Variants in PLA2G4A observed in about 807,000 individuals in gnomAD.
The protein encoded by PLA2G4A is cytosolic phospholipase A2.
Under a neutral mutation model 81.9 loss-of-function variants are expected in PLA2G4A, and 40 were observed. The ratio of observed to expected loss-of-function variants is 0.49; its 90% confidence interval spans 0.38 to 0.64. PLA2G4A has a LOEUF of 0.64. Ranked by LOEUF, PLA2G4A falls within the 30% of genes least tolerant of loss-of-function variation. The pLI is 0.00. For synonymous variants in PLA2G4A, 302 were observed against 296.9 expected (o/e 1.02, Z -0.18); for missense variants, 715 against 905.1 (o/e 0.79, Z 2.69).
At chr1:186,982,533 T>G in intron 17 of PLA2G4A, among the ~76,000 whole-genome samples, 1 of 152,196 alleles carries the variant, frequency 6.6e-6, no homozygotes, top group East Asian at 1.9e-4. Flanking sequence ...TGCAAATGCC[T>G]CAGGTTAACA....
At chr1:186,962,763 A>C (rs891866529) in intron 14 of PLA2G4A, among the ~76,000 whole-genome samples, 4 of 151,762 alleles carry the variant, frequency 2.6e-5, no homozygotes, top group African/African-American at 7.3e-5. Flanking sequence ...CTCGTGATCC[A>C]CCCGCCTCGG....
intron 7 of PLA2G4A, among the ~76,000 whole-genome samples, chr1:186,930,109 C>T (rs1350415844): frequency 6.6e-6 from 1 of 152,130 alleles, no homozygotes; most frequent in East Asian, 1.9e-4. Flanking sequence ...ACAAAACAAA[C>T]AAACAAACAA....
chr1:186,935,597 G>A (rs1655918298), intron 8 of PLA2G4A, among the ~76,000 whole-genome samples: 1 of 151,840 alleles, frequency 6.6e-6, no homozygotes, highest in African/African-American at 2.4e-5. Context: ...GAAAGCACAG[G>A]TGAAGGTGTT....
At chr1:186,868,999 A>G (rs1653141698) in intron 2 of PLA2G4A, among the ~76,000 whole-genome samples, 1 of 147,066 alleles carries the variant, frequency 6.8e-6, no homozygotes, top group Non-Finnish European at 1.5e-5. Flanking sequence ...GTTTGGTTGC[A>G]TTGATTTTTT....
chr1:186,873,864 C>T (rs1294934612), intron 3 of PLA2G4A, among the ~76,000 whole-genome samples: 2 of 151,994 alleles, frequency 1.3e-5, no homozygotes, highest in Non-Finnish European at 2.9e-5. Context: ...AGTTCCTTCC[C>T]AGACATGGTT....
At chr1:186,916,257 G>A (rs1558434292) in intron 7 of PLA2G4A, among the ~76,000 whole-genome samples, 1 of 152,070 alleles carries the variant, frequency 6.6e-6, no homozygotes, top group Non-Finnish European at 1.5e-5. Context: ...CTTTTTTCCA[G>A]TGAGGATTAA....
chr1:186,922,445 T>A (rs555046322), intron 7 of PLA2G4A, among the ~76,000 whole-genome samples: 2 of 152,310 alleles, frequency 1.3e-5, no homozygotes, highest in South Asian at 4.1e-4. Context: ...TGCCAGTTCC[T>A]TCCTGGTGTT....
intron 12 of PLA2G4A, among the ~76,000 whole-genome samples, chr1:186,947,488 A>G (rs749105056): frequency 2.4e-4 from 37 of 152,202 alleles, no homozygotes; most frequent in Non-Finnish European, 4.6e-4. Context: ...CTATTGGCCT[A>G]TAATAAATTA....
intron 10 of PLA2G4A, among the ~76,000 whole-genome samples, chr1:186,946,165 G>A (rs1347354725): frequency 6.6e-6 from 1 of 152,116 alleles, no homozygotes; most frequent in Non-Finnish European, 1.5e-5. Flanking sequence ...ATCTTGTGGA[G>A]TTAGAATAGA....
intron 15 of PLA2G4A, among the ~76,000 whole-genome samples, chr1:186,968,486 A>G (rs1657217382): frequency 6.7e-6 from 1 of 149,748 alleles, no homozygotes; most frequent in South Asian, 2.1e-4. Context: ...TTCTACTTAC[A>G]ACTGTATTAT....
chr1:186,866,768 G>A (rs567259059), intron 2 of PLA2G4A, among the ~76,000 whole-genome samples: 2 of 152,194 alleles, frequency 1.3e-5, no homozygotes, highest in South Asian at 4.1e-4. Context: ...ATGATTTTGG[G>A]AGGGGAGCAT....
rs558282848 is a variant in PLA2G4A at position 186,851,515 on chromosome 1, C to T, written c.-69-2771C>T. 1.3e-4 allele frequency among the ~76,000 whole-genome samples: 20 copies of T among 152,096 alleles called. No homozygotes were observed. The South Asian group carries it at 2.7e-3, about 21-fold the overall frequency. On this transcript the variant is annotated intron_variant, in intron 1 of 17. Transcript: ENST00000367466. The stretch of plus-strand genomic sequence containing the variant: ...TATTAGCTGGATTCTGACTTGGGAA[C>T]GGATGTAGTTCTCATACTTTGAATT...
At position 186,961,442 on chromosome 1, in the gene PLA2G4A, T is replaced by A. The variant is rs1421456643; in HGVS notation, c.1580-3967T>A. Among the ~76,000 whole-genome samples the A allele has an allele frequency of 2.0e-5, 3 of 152,166 alleles. No individual in the cohort carries two copies. In the East Asian group the frequency reaches 5.8e-4, roughly 29 times the overall value. On this transcript the variant is annotated intron_variant, in intron 14 of 17. Transcript: ENST00000367466. ...GTATGCATGTAATGAAACATCACAT[T>A]TTACCCCATAAATATACGCAATTAT...
At chr1:186,960,403 CAG>C (rs1656902803) in intron 14 of PLA2G4A, among the ~76,000 whole-genome samples, 1 of 152,172 alleles carries the variant, frequency 6.6e-6, no homozygotes, top group Admixed American at 6.5e-5. Flanking sequence ...AATTCTAAAA[CAG>C]AGTTATGTTT....
chr1:186,865,443 G>A (rs895732434), intron 2 of PLA2G4A, among the ~76,000 whole-genome samples: 5 of 152,052 alleles, frequency 3.3e-5, no homozygotes, highest in East Asian at 1.9e-4. Flanking sequence ...ACCTGAAAGC[G>A]AAACTGAAAA....
chr1:186,977,460 G>T (rs969057931), intron 15 of PLA2G4A, 133 bp from the exon 16 acceptor site: 5 of 667,518 alleles, frequency 7.5e-6, no homozygotes, highest in Non-Finnish European at 1.1e-5. Context: ...TGAGAACAGG[G>T]TCGTGATTCA....
intron 1 of PLA2G4A, among the ~76,000 whole-genome samples, chr1:186,842,278 G>C (rs1461893923): frequency 2.0e-5 from 3 of 151,952 alleles, no homozygotes; most frequent in Non-Finnish European, 4.4e-5. Context: ...CCTGAGCTCA[G>C]ACAATTCACC....
intron 3 of PLA2G4A, chr1:186,870,736 G>A (rs774445197): frequency 4.5e-6 from 7 of 1,550,388 alleles, no homozygotes; most frequent in Non-Finnish European, 4.4e-6. Context: ...GGGGCCTTTG[G>A]TGACATGCGT....
chr1:186,965,604 A>G lies in PLA2G4A; in HGVS notation c.1764+11A>G, dbSNP rs755021387. 9.3e-5 allele frequency: 147 copies of G among 1,577,328 alleles called. No homozygotes were observed. The highest frequency in any genetic ancestry group is 1.3e-4 in the Non-Finnish European group (145 of 1,146,600). ...AGTCCTCCGTTCAAGGTAAGGATAC[A>G]TAATACAGCATTCCATTCTCTACCA... On this transcript the variant is annotated intron_variant, in intron 15 of 17. Transcript: ENST00000367466.
Sources: gnomAD v4.1 joint callset for allele counts (sites outside exome capture counted in the v4.1 genomes callset) on GRCh38, gnomAD v4.1.1 for gene constraint, MANE v1.5 for transcripts, NCBI Gene and HGNC (gene_info 2026-07-23, HGNC 2026-07-21) for gene names.